SLIT2: variants seen among roughly 807,000 people sequenced by gnomAD.
SLIT2 encodes the protein slit guidance ligand 2, also known as slit homolog 2 protein.
In SLIT2, 41 loss-of-function variants were observed where a neutral mutation model predicts 185.7. The ratio of observed to expected loss-of-function variants is 0.22; its 90% CI spans 0.17 to 0.29. The LOEUF (loss-of-function observed/expected upper bound fraction) is 0.29. SLIT2 is among the 10% of genes least tolerant of loss of function. SLIT2 has a pLI of 1.00. For missense variants in SLIT2, 1,571 were observed against 1,909.0 expected, an observed-to-expected ratio of 0.82 and a Z score of 3.30; for synonymous variants, 693 against 680.2, an observed-to-expected ratio of 1.02 and a Z score of -0.29.
chr4:20,604,679 C>A (rs1270713986), intron 33 of SLIT2, among the ~76,000 whole-genome samples: 1 of 151,534 alleles, frequency 6.6e-6, no homozygotes, highest in Non-Finnish European at 1.5e-5. Flanking sequence ...TTTGGCTTCC[C>A]ATTCCTTTTG....
chr4:20,502,833 C>G (rs1288494144), intron 9 of SLIT2, among the ~76,000 whole-genome samples: 1 of 152,048 alleles, frequency 6.6e-6, no homozygotes, highest in Non-Finnish European at 1.5e-5. Context: ...AGAAAAATCA[C>G]TAACATGGAA....
At chr4:20,353,078 A>T (rs887187445) in intron 4 of SLIT2, among the ~76,000 whole-genome samples, 8 of 152,200 alleles carry the variant, frequency 5.3e-5, no homozygotes, top group African/African-American at 1.9e-4. Flanking sequence ...AGAGTATATC[A>T]ATCTTGCCTT....
At chr4:20,588,970 C>T (rs1479189419) in intron 29 of SLIT2, among the ~76,000 whole-genome samples, 3 of 151,976 alleles carry the variant, frequency 2.0e-5, no homozygotes, top group African/African-American at 7.3e-5. Context: ...TGTTGAGCTG[C>T]GGCAATGATC....
intron 4 of SLIT2, among the ~76,000 whole-genome samples, chr4:20,461,695 G>A (rs752733770): frequency 1.8e-4 from 28 of 152,150 alleles, no homozygotes; most frequent in African/African-American, 4.8e-4. Flanking sequence ...TGGTTTGGAC[G>A]CAGATTGTAG....
At chr4:20,306,225 A>G (rs914794073) in intron 4 of SLIT2, among the ~76,000 whole-genome samples, 1 of 152,166 alleles carries the variant, frequency 6.6e-6, no homozygotes, top group Non-Finnish European at 1.5e-5. Context: ...TGGTCAGTGG[A>G]GAAGGATGCT....
rs566519809 is a variant in SLIT2, at chr4:20,351,748, A to T, written c.395+82867A>T. 6.6e-5 allele frequency among the ~76,000 whole-genome samples: 10 copies of T among 152,164 alleles called. No individual in the cohort carries two copies. The East Asian group carries it at 1.7e-3, about 26-fold the overall frequency. ...GAAGGCCCTGGGCTTTGTCCCTATG[A>T]GTACCTATTGTGTCACATAAACAAT... On this transcript the variant is annotated intron_variant, in intron 4 of 36. Transcript: ENST00000504154.
intron 9 of SLIT2, among the ~76,000 whole-genome samples, chr4:20,496,800 A>T (rs1466050746): frequency 2.0e-5 from 3 of 152,214 alleles, no homozygotes; most frequent in Non-Finnish European, 2.9e-5. Flanking sequence ...GGAATAATTT[A>T]AAAATTAATC....
intron 33 of SLIT2, among the ~76,000 whole-genome samples, chr4:20,600,849 A>G (rs112767735): frequency 3.6e-4 from 55 of 152,080 alleles, no homozygotes; most frequent in African/African-American, 1.2e-3. Context: ...TTATTTTTTA[A>G]TAAAAGAGGC....
intron 4 of SLIT2, among the ~76,000 whole-genome samples, chr4:20,418,187 T>A (rs1443556878): frequency 6.6e-6 from 1 of 152,214 alleles, no homozygotes; most frequent in Non-Finnish European, 1.5e-5. Context: ...ACCGCTTATC[T>A]GACAGGATCA....
At chr4:20,511,812 G>C (rs1719784112) in intron 11 of SLIT2, among the ~76,000 whole-genome samples, 1 of 151,606 alleles carries the variant, frequency 6.6e-6, no homozygotes, top group African/African-American at 2.4e-5. Context: ...AGTCTCCTTT[G>C]AAATGCTAGG....
intron 4 of SLIT2, among the ~76,000 whole-genome samples, chr4:20,389,630 C>T (rs562956343): frequency 4.9e-4 from 74 of 151,652 alleles, no homozygotes; most frequent in African/African-American, 1.8e-3. Context: ...ATGCAAAGGG[C>T]CAGACACTCA....
intron 29 of SLIT2, among the ~76,000 whole-genome samples, chr4:20,582,839 G>A (rs1412202676): frequency 6.6e-6 from 1 of 152,108 alleles, no homozygotes; most frequent in East Asian, 1.9e-4. Flanking sequence ...AGTAAAATAA[G>A]GTTTCCTTGA....
At chr4:20,567,458 G>A (rs2148913742) in intron 27 of SLIT2, 60 bp from the exon 28 acceptor site, 1 of 1,610,036 alleles carries the variant, frequency 6.2e-7, no homozygotes, top group Non-Finnish European at 8.5e-7. Context: ...TTATTCTACT[G>A]TGCTTTCTGT....
At chr4:20,427,711 T>A (rs2109487733) in intron 4 of SLIT2, among the ~76,000 whole-genome samples, 1 of 151,810 alleles carries the variant, frequency 6.6e-6, no homozygotes, top group East Asian at 1.9e-4. Context: ...CAATGGCTGA[T>A]AATCACTACT....
chr4:20,543,372 A>G (rs1039506041), intron 21 of SLIT2, among the ~76,000 whole-genome samples: 1 of 152,148 alleles, frequency 6.6e-6, no homozygotes, highest in African/African-American at 2.4e-5. Flanking sequence ...AATTCATTAG[A>G]GAATATGCTG....
chr4:20,450,317 G>A (rs1712329911), intron 4 of SLIT2, among the ~76,000 whole-genome samples: 1 of 152,084 alleles, frequency 6.6e-6, no homozygotes, highest in African/African-American at 2.4e-5. Flanking sequence ...ATGCCCTATG[G>A]TTTGGGGCTA....
intron 26 of SLIT2, among the ~76,000 whole-genome samples, chr4:20,560,841 A>G (rs989388403): frequency 1.5e-4 from 23 of 151,956 alleles, no homozygotes; most frequent in Non-Finnish European, 2.9e-4. Flanking sequence ...ATATTATTCA[A>G]GTTCGTACAA....
chr4:20,503,975 T>G (rs545927803), intron 9 of SLIT2, among the ~76,000 whole-genome samples: 1 of 152,250 alleles, frequency 6.6e-6, no homozygotes, highest in South Asian at 2.1e-4. Context: ...TTTATTAAAT[T>G]TGCAAAGTTC....
intron 18 of SLIT2, among the ~76,000 whole-genome samples, chr4:20,535,920 G>A (rs746921565): frequency 1.6e-4 from 25 of 152,068 alleles, no homozygotes; most frequent in Non-Finnish European, 3.2e-4. Context: ...GAACATCCTA[G>A]AGTGGACTTA....
Sources: allele counts gnomAD v4.1 joint callset (sites outside exome capture counted in the v4.1 genomes callset), GRCh38; gene constraint gnomAD v4.1.1; transcripts MANE v1.5; gene names NCBI Gene and HGNC (gene_info 2026-07-23, HGNC 2026-07-21).